PLA1A: variants seen among roughly 807,000 people sequenced by gnomAD.
PLA1A encodes phospholipase A1 member A, also known as phosphatidylserine-specific phospholipase A1alpha.
PLA1A carries 47 observed loss-of-function variants against 49.4 expected under a neutral mutation model. The ratio of observed to expected loss-of-function variants is 0.95; its 90% CI spans 0.75 to 1.21. The LOEUF is 1.21. Ranked by LOEUF, PLA1A falls within the 50% of genes most tolerant of loss-of-function variation. PLA1A has a pLI of 0.00. For synonymous variants in PLA1A, 224 were observed against 207.9 expected (o/e 1.08, Z -0.67); for missense variants, 561 against 563.9 (o/e 0.99, Z 0.05).
At position 119,609,546 on chromosome 3, in the gene PLA1A, C is replaced by G; in HGVS notation, c.532C>G (p.Leu178Val). Reference protein sequence around the residue: ...GAHVGGMVGQLFGGQLGQITG... With the variant: ...GAHVGGMVGQVFGGQLGQITG... ...CCACGTTGGGGGCATGGTGGGACAG[C>G]TCTTCGGAGGCCAGCTGGGACAGAT... The change falls in exon 4 of 11, where the codon CTC becomes GTC. Residue 178 changes from leucine to valine, a missense_variant. Coordinates refer to ENST00000273371, the MANE Select transcript of PLA1A (RefSeq NM_015900.4). 3 of 1,608,094 alleles carry G rather than the reference C, an allele frequency of 1.9e-6. No individual in the cohort carries two copies. Among genetic ancestry groups the G allele is most frequent in the Non-Finnish European group, 2.6e-6 (3 of 1,174,594 alleles).
Position 119,616,239 on chromosome 3 carries a change from C to A in PLA1A, c.754+138C>A, listed in dbSNP as rs762926619. The A allele has an allele frequency of 7.1e-4, 476 of 667,580 alleles. 2 individuals are homozygous for A. Among genetic ancestry groups the A allele is most frequent in the Non-Finnish European group, 1.7e-4 (63 of 364,390 alleles). 41.4% of individuals were successfully genotyped at this position (667,580 alleles called of 1,614,324 possible). A position where few individuals can be genotyped will look rare whatever the true frequency, so the allele number is the denominator to read the frequency against. On this transcript the variant is annotated intron_variant, in intron 6 of 10. Transcript: ENST00000273371. ...CTTTGCTATGTCCCATAACGCTTTA[C>A]TCAGAATGTATTCAAGGATGGATGT...
At chr3:119,612,350 C>G (rs1048588457) in intron 4 of PLA1A, among the ~76,000 whole-genome samples, 8 of 152,180 alleles carry the variant, frequency 5.3e-5, no homozygotes, top group Admixed American at 6.5e-5. Flanking sequence ...ATGATGAGGA[C>G]TAGAGTGTGT....
chr3:119,620,446 T>C (rs896063138), intron 8 of PLA1A, among the ~76,000 whole-genome samples: 1 of 152,208 alleles, frequency 6.6e-6, no homozygotes, highest in Admixed American at 6.5e-5. Context: ...CCATATGACA[T>C]GGAGCCTAGA....
intron 1 of PLA1A, among the ~76,000 whole-genome samples, chr3:119,599,012 T>TAC (rs2082578866): frequency 1.3e-5 from 2 of 152,198 alleles, no homozygotes; most frequent in South Asian, 2.1e-4. Context: ...TTAGCATAGT[T>TAC]AGTGCTGTGC....
Position 119,608,957 on chromosome 3 carries a change from GA to G in PLA1A, c.453+12del. 6.2e-7 allele frequency: 1 copy of G among 1,611,744 alleles called. No individual in the cohort carries two copies. Among genetic ancestry groups the G allele is most frequent in the Admixed American group, 1.7e-5 (1 of 60,016 alleles). On this transcript the variant is annotated intron_variant, in intron 3 of 10. Coordinates refer to ENST00000273371, the MANE Select transcript of PLA1A (RefSeq NM_015900.4). ...CCTCAATAAACTCCTGGTAGGTGCA[GA>G]AGAGCTTAGGGTGAGTTTGGGCTGC...
At chr3:119,600,287 TC>T in intron 1 of PLA1A, 2 of 676,020 alleles carry the variant, frequency 3.0e-6, no homozygotes, top group East Asian at 5.4e-5. Flanking sequence ...ACCTAGTTTT[TC>T]CTTGGACTGT....
Position 119,625,173 on chromosome 3 carries a change from C to A in PLA1A, c.1062C>A (p.Asp354Glu). ...ACTTGAAGGAACTGAGAAACAAGGA[C>A]ACCAACATCGAGGTTACCTTCCTTA... ...EFHLKELRNK[D>E]TNIEVTFLSS... is the part of the protein sequence containing the mutation. The change falls in exon 9 of 11, where the codon GAC becomes GAA. Residue 354 changes from aspartate (D) to glutamate (E), a missense_variant. Coordinates refer to ENST00000273371, the MANE Select transcript of PLA1A (RefSeq NM_015900.4). 6.2e-7 allele frequency: 1 copy of A among 1,613,858 alleles called. No individual in the cohort carries two copies. The highest frequency in any genetic ancestry group is 1.7e-5 in the Admixed American group (1 of 60,024).
chr3:119,610,134 G>T (rs572635207), intron 4 of PLA1A, among the ~76,000 whole-genome samples: 15 of 152,316 alleles, frequency 9.8e-5, no homozygotes, highest in African/African-American at 3.4e-4. Context: ...CTACATTCAT[G>T]TTGCTGCAGA....
chr3:119,602,842 A>G (rs1487558624), intron 1 of PLA1A, among the ~76,000 whole-genome samples: 1 of 152,188 alleles, frequency 6.6e-6, no homozygotes, highest in Non-Finnish European at 1.5e-5. Context: ...TTACAACTGA[A>G]ATAGGATGTG....
At chr3:119,614,107 G>A (rs895732279) in intron 5 of PLA1A, among the ~76,000 whole-genome samples, 1 of 152,188 alleles carries the variant, frequency 6.6e-6, no homozygotes, top group Non-Finnish European at 1.5e-5. Context: ...GACCAGACAA[G>A]CTTGCAGCTC....
intron 9 of PLA1A, among the ~76,000 whole-genome samples, chr3:119,626,745 C>T (rs550482048): frequency 7.9e-5 from 12 of 152,282 alleles, no homozygotes; most frequent in Non-Finnish European, 1.8e-4. Context: ...ACTCCCAAAA[C>T]CGTGGCCACT....
intron 4 of PLA1A, among the ~76,000 whole-genome samples, chr3:119,612,598 T>C (rs1388870075): frequency 6.6e-6 from 1 of 152,060 alleles, no homozygotes; most frequent in Non-Finnish European, 1.5e-5. Context: ...ACGCCATTCT[T>C]CTGCCTCAGC....
Position 119,619,595 on chromosome 3 carries a change from C to A in PLA1A, c.955C>A (p.Pro319Thr). 1 of 1,613,622 alleles carries A rather than the reference C, an allele frequency of 6.2e-7. No homozygotes were observed. Among genetic ancestry groups the A allele is most frequent in the Non-Finnish European group, 8.5e-7 (1 of 1,179,532 alleles). ...LVEQGGVKIE[P>T]LPKEVKVYLL... ...GGAACAAGGTGGTGTCAAGATAGAG[C>A]CGCTCCCCAAGGAAGTGAAAGTCTA... is the stretch of plus-strand genomic sequence containing the variant. The change falls in exon 8 of 11, where the codon CCG becomes ACG. Residue 319 changes from proline (P) to threonine (T), a missense_variant. Physicochemically the swap from Pro to Thr is conservative, Grantham distance 38 (BLOSUM62 -1). Coordinates refer to ENST00000273371, the MANE Select transcript of PLA1A (RefSeq NM_015900.4).
At chr3:119,627,204 T>C (rs981141700) in intron 9 of PLA1A, among the ~76,000 whole-genome samples, 1 of 152,178 alleles carries the variant, frequency 6.6e-6, no homozygotes, top group Non-Finnish European at 1.5e-5. Context: ...CACCAGAACA[T>C]GATTCACTTC....
intron 1 of PLA1A, among the ~76,000 whole-genome samples, chr3:119,599,101 A>G (rs2082579604): frequency 6.6e-6 from 1 of 152,156 alleles, no homozygotes; most frequent in Non-Finnish European, 1.5e-5. Context: ...GATGGGGAAT[A>G]GGCTCTGTCT....
chr3:119,601,788 T>G (rs2082621653), intron 1 of PLA1A, among the ~76,000 whole-genome samples: 1 of 152,242 alleles, frequency 6.6e-6, no homozygotes, highest in African/African-American at 2.4e-5. Flanking sequence ...CTAAATGGAA[T>G]ACTTCTAATA....
At chr3:119,612,859 G>A (rs1057095943) in intron 4 of PLA1A, among the ~76,000 whole-genome samples, 158 bp from the exon 5 acceptor site, 1 of 152,188 alleles carries the variant, frequency 6.6e-6, no homozygotes, top group African/African-American at 2.4e-5. Context: ...AGAGAGTGGG[G>A]TTTCCTGAGG....
chr3:119,606,520 G>A (rs1054526442), intron 1 of PLA1A, among the ~76,000 whole-genome samples: 1 of 152,186 alleles, frequency 6.6e-6, no homozygotes, highest in Admixed American at 6.5e-5. Flanking sequence ...TTTCACCATG[G>A]CCTTTAATCT....
Position 119,616,035 on chromosome 3 carries a change from G to A in PLA1A, c.688G>A (p.Gly230Arg), listed in dbSNP as rs1347498536. The A allele has an allele frequency of 1.9e-6, 3 of 1,612,578 alleles. No homozygotes were observed. The South Asian group carries it at 3.3e-5, about 18-fold the overall frequency. The change falls in exon 6 of 11, where the codon GGA (glycine) becomes AGA (arginine). Residue 230 changes from glycine (G) to arginine (R), a missense_variant. Transcript: ENST00000273371. ...AGATTTGGGTATTCGGATTCCCGTT[G>A]GACATGTGGACTACTTCGTCAACGG... ...TDNLGIRIPV[G>R]HVDYFVNGGQ... is the part of the protein sequence containing the mutation.
Sources: allele counts gnomAD v4.1 joint callset (sites outside exome capture counted in the v4.1 genomes callset), GRCh38; gene constraint gnomAD v4.1.1; transcripts MANE v1.5; gene names NCBI Gene and HGNC (gene_info 2026-07-23, HGNC 2026-07-21).